Variants in LEO1 observed in about 807,000 individuals in gnomAD.
LEO1 encodes LEO1 component of Paf1/RNA polymerase II complex, also known as RNA polymerase-associated protein LEO1.
LEO1 carries 34 observed loss-of-function variants against 80.4 expected under a neutral mutation model. The observed-to-expected ratio is 0.42, with a 90% CI of 0.32 to 0.56. The LOEUF is 0.56. LEO1 is among the 20% of genes least tolerant of loss of function. The probability of loss-of-function intolerance (pLI) is 0.10; values close to 1 mark genes in which losing one functional copy is unlikely to be tolerated. For synonymous variants in LEO1, 262 were observed against 274.9 expected (o/e 0.95, Z 0.46); for missense variants, 631 against 814.2 (o/e 0.77, Z 2.74).
At chr15:51,956,988 G>C (rs2593185) in intron 6 of LEO1, among the ~76,000 whole-genome samples, 66,549 of 151,726 alleles carry the variant, frequency 0.44, 14,819 homozygotes, top group Admixed American at 0.52. Context: ...CATCTCTGCT[G>C]GCTAATTTTT....
chr15:51,952,192 C>T, intron 8 of LEO1: 1 of 443,198 alleles, frequency 2.3e-6, no homozygotes, highest in Non-Finnish European at 4.0e-6. Flanking sequence ...AAATGAAAAA[C>T]AGAAGGTTGG....
chr15:51,967,197 G>A (rs894030794), intron 1 of LEO1, among the ~76,000 whole-genome samples: 1 of 152,220 alleles, frequency 6.6e-6, no homozygotes, highest in Non-Finnish European at 1.5e-5. Flanking sequence ...CTGAGGCCAG[G>A]CATGGTGGTT....
In LEO1 at chr15:51,966,524, T is replaced by C. The variant is rs748127471; in HGVS notation, c.59-20A>G. 5.7e-6 allele frequency: 8 copies of C among 1,402,534 alleles called. No individual in the cohort carries two copies. The highest frequency in any genetic ancestry group is 1.4e-5 in the African/African-American group (1 of 69,962). 86.9% of individuals were successfully genotyped at this position (1,402,534 alleles called of 1,614,324 possible). On this transcript the variant is annotated intron_variant, in intron 1 of 11. Transcript: ENST00000299601. ...CAGAATCTATGGGGTCATATAAACA[T>C]AGGATAACATAAGCAAAAAAAGGCA...
intron 1 of LEO1, among the ~76,000 whole-genome samples, chr15:51,968,525 C>T (rs1595949381): frequency 1.3e-5 from 2 of 150,142 alleles, no homozygotes; most frequent in East Asian, 4.0e-4. Flanking sequence ...GAGACTCTGT[C>T]TCCAAAAAAA....
chr15:51,949,625 A>G (rs2570275), intron 10 of LEO1, among the ~76,000 whole-genome samples, 183 bp downstream of exon 10: 65,537 of 149,600 alleles, frequency 0.44, 14,453 homozygotes, highest in Admixed American at 0.52. Context: ...ACTTGAACCC[A>G]GGAGGCAGAG....
At chr15:51,961,617 C>G (rs770139793) in intron 3 of LEO1, among the ~76,000 whole-genome samples, 1 of 151,730 alleles carries the variant, frequency 6.6e-6, no homozygotes, top group Non-Finnish European at 1.5e-5. Flanking sequence ...TGGTCTTGAA[C>G]TCCTGGCCTC....
In LEO1 at chr15:51,966,068, C is replaced by G. The variant is rs925650470; in HGVS notation, c.495G>C (p.Glu165Asp). ...CTTCATCAGATCCTTGTGCCCTCTC[C>G]TCATCATCAGAATTTTGTATCTTTT... ...DDEKIQNSDD[E>D]ERAQGSDEDK... Residue 165 changes from glutamate to aspartate, a missense_variant, in exon 2 of 12, where the codon GAG becomes GAC. Glu to Asp is a conservative substitution (Grantham distance 45). Around this residue, in one of 4 missense-constraint regions of LEO1, gnomAD observed 394 missense variants for 395.6 expected, o/e 1.00. Coordinates refer to ENST00000299601, the MANE Select transcript of LEO1 (RefSeq NM_138792.4). 1 of 1,614,012 alleles carries G rather than the reference C, an allele frequency of 6.2e-7. No individual in the cohort carries two copies. The highest frequency in any genetic ancestry group is 8.5e-7 in the Non-Finnish European group (1 of 1,180,028).
chr15:51,943,911 G>A (rs1385909157), intron 11 of LEO1, among the ~76,000 whole-genome samples: 3 of 152,138 alleles, frequency 2.0e-5, no homozygotes, highest in East Asian at 1.9e-4. Flanking sequence ...CAGAGATTAT[G>A]CAATCTGAAG....
intron 2 of LEO1, among the ~76,000 whole-genome samples, chr15:51,963,897 CAAAAAAA>C (rs1217618326): frequency 3.5e-5 from 2 of 57,534 alleles, no homozygotes; most frequent in African/African-American, 1.4e-4. Flanking sequence ...GACTCTGTCT[CAAAAAAA>C]AAAAAAAAAA....
intron 1 of LEO1, among the ~76,000 whole-genome samples, chr15:51,970,920 CA>C (rs1411178314): frequency 6.6e-6 from 1 of 152,088 alleles, no homozygotes; most frequent in Non-Finnish European, 1.5e-5. Flanking sequence ...AGTTCAAGGC[CA>C]ACCTGAGCAA....
chr15:51,940,657 C>G (rs2056843237), intron 11 of LEO1, among the ~76,000 whole-genome samples: 1 of 151,984 alleles, frequency 6.6e-6, no homozygotes, highest in Non-Finnish European at 1.5e-5. Flanking sequence ...TGGCTCATAC[C>G]TGTAAACGCA....
chr15:51,956,599 C>T (rs1253809924), intron 6 of LEO1, among the ~76,000 whole-genome samples: 1 of 152,030 alleles, frequency 6.6e-6, no homozygotes, highest in African/African-American at 2.4e-5. Flanking sequence ...GACAGGGGAC[C>T]TCAGAGAGGT....
chr15:51,943,887 A>G (rs1028136561), intron 11 of LEO1, among the ~76,000 whole-genome samples: 4 of 152,132 alleles, frequency 2.6e-5, no homozygotes, highest in African/African-American at 9.7e-5. Flanking sequence ...GGATCAGCAG[A>G]CTTGATGGAT....
At chr15:51,942,597 C>G (rs1336885857) in intron 11 of LEO1, among the ~76,000 whole-genome samples, 1 of 152,170 alleles carries the variant, frequency 6.6e-6, no homozygotes, top group African/African-American at 2.4e-5. Context: ...GTTGCCTCAT[C>G]TAATTTAAAA....
chr15:51,945,485 T>A (rs1358306372), intron 11 of LEO1, among the ~76,000 whole-genome samples: 1 of 151,822 alleles, frequency 6.6e-6, no homozygotes, highest in South Asian at 2.1e-4. Context: ...CCTTCAGACG[T>A]TTACTCAAAG....
At chr15:51,938,331 G>C in intron 11 of LEO1, 71 bp from the exon 12 acceptor site, 1 of 877,144 alleles carries the variant, frequency 1.1e-6, no homozygotes, top group Non-Finnish European at 1.8e-6. Context: ...ATGAAAAGTA[G>C]CTATGAGCTG....
chr15:51,964,935 A>G (rs1020796551), intron 2 of LEO1, among the ~76,000 whole-genome samples: 10 of 152,180 alleles, frequency 6.6e-5, no homozygotes, highest in African/African-American at 2.4e-4. Context: ...CAGGTCCAGG[A>G]ACCAAAGTTC....
chr15:51,951,540 C>G (rs778199490), intron 9 of LEO1, among the ~76,000 whole-genome samples: 1 of 152,208 alleles, frequency 6.6e-6, no homozygotes, highest in Non-Finnish European at 1.5e-5. Flanking sequence ...GGATTCTAAA[C>G]CACACATAGA....
intron 1 of LEO1, among the ~76,000 whole-genome samples, chr15:51,967,036 G>A (rs370152295): frequency 2.6e-5 from 4 of 152,142 alleles, no homozygotes; most frequent in Admixed American, 6.5e-5. Flanking sequence ...ACCTCAGTTC[G>A]ACTGTCCAAT....
Sources: allele counts gnomAD v4.1 joint callset (sites outside exome capture counted in the v4.1 genomes callset), GRCh38; gene constraint gnomAD v4.1.1; regional missense constraint gnomAD v4.1.1; transcripts MANE v1.5; gene names NCBI Gene and HGNC (gene_info 2026-07-23, HGNC 2026-07-21).